The following MME variants were observed in gnomAD, a reference collection of about 807,000 sequenced individuals.
The protein encoded by MME is neprilysin.
A neutral mutation model predicts 113.2 loss-of-function variants in MME; 98 were observed. The observed-to-expected ratio is 0.87, with a 90% CI of 0.74 to 1.02. MME has a LOEUF of 1.02. Among genes scored for constraint, MME ranks in the 50% least tolerant of loss-of-function variants. The pLI is 0.00. For missense variants in MME, 836 were observed against 896.0 expected (o/e 0.93, Z 0.86); for synonymous variants, 292 against 300.6 (o/e 0.97, Z 0.30).
chr3:155,117,001 C>A lies in MME; in HGVS notation c.654+15C>A. The A allele has an allele frequency of 2.2e-6, 3 of 1,348,852 alleles. No individual in the cohort carries two copies. The highest frequency in any genetic ancestry group is 2.3e-5 in the South Asian group (2 of 85,368). 83.6% of individuals were successfully genotyped at this position (1,348,852 alleles called of 1,614,324 possible). The stretch of plus-strand genomic sequence containing the variant: ...ATGTAATTCATGTAAGTTTGTGTGT[C>A]AAATAACTAAAGTTACCTTTAAATT... On this transcript the variant is annotated intron_variant, in intron 7 of 22. Transcript: ENST00000360490.
chr3:155,143,737 C>G (rs1721301672), intron 13 of MME, among the ~76,000 whole-genome samples, 166 bp downstream of exon 13: 1 of 152,076 alleles, frequency 6.6e-6, no homozygotes, highest in Admixed American at 6.6e-5. Flanking sequence ...CTTCCCTTGC[C>G]TTCCCCAAGA....
At chr3:155,148,509 C>T (rs1198919774) in intron 15 of MME, 41 bp from the exon 16 acceptor site, 1 of 1,338,522 alleles carries the variant, frequency 7.5e-7, no homozygotes, top group Admixed American at 1.7e-5. Flanking sequence ...TTAGAAGATA[C>T]CGGTTTTAAT....
At chr3:155,172,991 A>G (rs1712153518) in intron 22 of MME, among the ~76,000 whole-genome samples, 2 of 152,062 alleles carry the variant, frequency 1.3e-5, no homozygotes, top group South Asian at 4.1e-4. Flanking sequence ...AAAAATTTCA[A>G]TATAAAGGAA....
intron 8 of MME, among the ~76,000 whole-genome samples, chr3:155,133,946 T>A (rs905506769): frequency 6.6e-6 from 1 of 151,236 alleles, no homozygotes; most frequent in African/African-American, 2.4e-5. Flanking sequence ...TACAGTTAAT[T>A]CAAAACACTG....
chr3:155,115,607 T>G (rs932240031), intron 4 of MME, among the ~76,000 whole-genome samples: 11 of 152,286 alleles, frequency 7.2e-5, no homozygotes, highest in South Asian at 2.1e-4. Flanking sequence ...TTTTGTATTT[T>G]TAGTAGGGAC....
Position 155,168,798 on chromosome 3 carries a change from G to A in MME, c.1980+1G>A. ...TGGAGGTCTTGGTCAAGCATACAGA[G>A]TAAGTAAAAAAGATTTTCTTTCCAT... On this transcript the variant is annotated splice_donor_variant, in intron 20 of 22. Coordinates refer to ENST00000360490, the MANE Select transcript of MME (RefSeq NM_007289.4). LOFTEE classifies it high-confidence loss of function. The A allele has an allele frequency of 6.2e-7, 1 of 1,607,878 alleles. No homozygotes were observed. The highest frequency in any genetic ancestry group is 8.5e-7 in the Non-Finnish European group (1 of 1,174,782).
chr3:155,166,744 C>A (rs535445755), intron 17 of MME, among the ~76,000 whole-genome samples, 158 bp from the exon 18 acceptor site: 1 of 152,190 alleles, frequency 6.6e-6, no homozygotes, highest in Non-Finnish European at 1.5e-5. Flanking sequence ...GCTTAGCAAG[C>A]ACAAAGCCAA....
rs1559929989 is a variant in MME, at chr3:155,118,819, G to T, written c.720+8G>T. ...ACTGGAATCTATAAAGAGGTAAAAA[G>T]AAAAAAAATAATCAAAACCAAACTA... On this transcript the variant is annotated splice_region_variant and intron_variant, in intron 8 of 22. Coordinates refer to ENST00000360490, the MANE Select transcript of MME (RefSeq NM_007289.4). 2 of 1,555,688 alleles carry T rather than the reference G, an allele frequency of 1.3e-6. No homozygotes were observed. The highest frequency in any genetic ancestry group is 1.1e-5 in the South Asian group (1 of 87,900).
chr3:155,096,817 C>G (rs1716781669), intron 3 of MME, among the ~76,000 whole-genome samples: 1 of 152,142 alleles, frequency 6.6e-6, no homozygotes, highest in East Asian at 1.9e-4. Context: ...TCCCCAGACT[C>G]AGGCGATCCT....
At chr3:155,179,155 G>A (rs1280180475) in intron 22 of MME, among the ~76,000 whole-genome samples, 2 of 152,160 alleles carry the variant, frequency 1.3e-5, no homozygotes, top group South Asian at 2.1e-4. Context: ...ACTTTCCAGG[G>A]AGTAGGGTCT....
chr3:155,115,663 T>C (rs1293625086), intron 4 of MME, among the ~76,000 whole-genome samples: 1 of 152,142 alleles, frequency 6.6e-6, no homozygotes, highest in Non-Finnish European at 1.5e-5. Flanking sequence ...TGACCTCAGG[T>C]GATCCACCAG....
intron 17 of MME, among the ~76,000 whole-genome samples, chr3:155,164,508 A>G (rs956522264): frequency 3.0e-4 from 45 of 152,146 alleles, no homozygotes; most frequent in African/African-American, 1.0e-3. Context: ...CATAATTAGC[A>G]AAGTTGAACT....
chr3:155,106,324 T>C (rs1717681205), intron 3 of MME, among the ~76,000 whole-genome samples: 1 of 152,156 alleles, frequency 6.6e-6, no homozygotes, highest in African/African-American at 2.4e-5. Context: ...AAACTAGCAG[T>C]CCAGTTTACA....
intron 8 of MME, among the ~76,000 whole-genome samples, chr3:155,125,277 CACGCACGGTGCGTGCACCCACTGGCCT>C (rs1424622067): frequency 0.2 from 28,037 of 137,698 alleles, 5,888 homozygotes; most frequent in East Asian, 0.3. Context: ...TGCTTCGGCT[CACGCACGGTGCGTGCACCCACTGGCCT>C]GCGCCCACTG....
intron 8 of MME, among the ~76,000 whole-genome samples, chr3:155,133,361 A>G (rs1200411017): frequency 6.6e-6 from 1 of 151,524 alleles, no homozygotes; most frequent in East Asian, 1.9e-4. Flanking sequence ...TATATTAAAT[A>G]CTCGAGCATC....
upstream of MME, among the ~76,000 whole-genome samples, chr3:155,076,922 C>T (rs974699946): frequency 6.6e-6 from 1 of 152,206 alleles, no homozygotes; most frequent in African/African-American, 2.4e-5. Flanking sequence ...CACCAGCGGT[C>T]ACTTTCATGG....
chr3:155,116,132 T>A (rs1207980197), intron 4 of MME, among the ~76,000 whole-genome samples: 2 of 152,144 alleles, frequency 1.3e-5, no homozygotes, highest in Non-Finnish European at 2.9e-5. Flanking sequence ...TATTGTTTTT[T>A]TTTAATCTCA....
intron 3 of MME, among the ~76,000 whole-genome samples, chr3:155,093,338 T>C (rs890162326): frequency 8.5e-6 from 1 of 117,656 alleles, no homozygotes; most frequent in African/African-American, 3.0e-5. Flanking sequence ...ACTGGGAAGT[T>C]AAAATTATTT....
intron 8 of MME, among the ~76,000 whole-genome samples, chr3:155,129,799 A>G (rs1719991242): frequency 6.6e-6 from 1 of 152,192 alleles, no homozygotes. Context: ...AGAGGTACAA[A>G]TTTCTATGCT....
Sources: gnomAD v4.1 joint callset for allele counts (sites outside exome capture counted in the v4.1 genomes callset) on GRCh38, gnomAD v4.1.1 for gene constraint, MANE v1.5 for transcripts, NCBI Gene and HGNC (gene_info 2026-07-23, HGNC 2026-07-21) for gene names.